The following APPL2 variants were observed in gnomAD, a reference collection of about 807,000 sequenced individuals.
APPL2 encodes adaptor protein, phosphotyrosine interacting with PH domain and leucine zipper 2.
APPL2 carries 84 observed loss-of-function variants against 92.7 expected under a neutral mutation model. That is an observed-to-expected ratio of 0.91 (90% CI 0.76 to 1.09). The LOEUF (loss-of-function observed/expected upper bound fraction) is 1.09. APPL2 is among the 50% of genes least tolerant of loss of function. The pLI is 0.00. For missense variants in APPL2, 736 were observed against 824.5 expected, an observed-to-expected ratio of 0.89 and a Z score of 1.31; for synonymous variants, 291 against 291.0, an observed-to-expected ratio of 1.00 and a Z score of 0.00.
intron 17 of APPL2, among the ~76,000 whole-genome samples, chr12:105,186,656 C>CAT (rs1211243439): frequency 6.3e-5 from 3 of 47,676 alleles, no homozygotes; most frequent in Non-Finnish European, 8.0e-5. Flanking sequence ...ATATCGATAT[C>CAT]ATATATATCA....
At chr12:105,201,812 G>A (rs1888233816) in intron 9 of APPL2, among the ~76,000 whole-genome samples, 1 of 152,164 alleles carries the variant, frequency 6.6e-6, no homozygotes, top group South Asian at 2.1e-4. Flanking sequence ...TAGGGTTAGG[G>A]AATAAAGAAA....
intron 1 of APPL2, among the ~76,000 whole-genome samples, chr12:105,235,729 G>A (rs1297528316): frequency 6.6e-6 from 1 of 152,156 alleles, no homozygotes; most frequent in Non-Finnish European, 1.5e-5. Context: ...ACGACATCAA[G>A]ACTCCGGCCG....
chr12:105,230,432 G>A (rs1374424961), intron 1 of APPL2, among the ~76,000 whole-genome samples: 3 of 152,178 alleles, frequency 2.0e-5, no homozygotes, highest in Non-Finnish European at 2.9e-5. Flanking sequence ...GGAATTTAAA[G>A]TACTATGTTA....
intron 8 of APPL2, among the ~76,000 whole-genome samples, chr12:105,206,609 C>A (rs1222048565): frequency 1.3e-5 from 2 of 152,172 alleles, no homozygotes; most frequent in African/African-American, 4.8e-5. Flanking sequence ...TTTCCCCATG[C>A]CCAGATGTTA....
rs1213646568 is a variant in APPL2 at position 105,173,473 on chromosome 12, A to T, written c.*841T>A. On this transcript the variant is annotated 3_prime_UTR_variant, in exon 21 of 21. Transcript: ENST00000258530. ...CAGGAATTGGAAGTATCAGGGTGGA[A>T]ATAGGAACTTTATACCAAGCCCCAT... 6.6e-6 allele frequency: 1 copy of T among 152,624 alleles called. No individual in the cohort carries two copies. The highest frequency in any genetic ancestry group is 1.5e-5 in the Non-Finnish European group (1 of 68,040). The allele number at this position is 152,624 out of a possible 1,614,324, so 9.5% of individuals were successfully genotyped here.
At chr12:105,194,771 G>T (rs1181256987) in intron 14 of APPL2, among the ~76,000 whole-genome samples, 2 of 135,402 alleles carry the variant, frequency 1.5e-5, no homozygotes, top group East Asian at 4.2e-4. Flanking sequence ...TCTGAAAAAT[G>T]TAGAAATAGT....
intron 1 of APPL2, among the ~76,000 whole-genome samples, chr12:105,231,946 T>C (rs980479714): frequency 3.9e-5 from 6 of 152,184 alleles, no homozygotes. Flanking sequence ...AAAGAAGGAA[T>C]GAGACCAAGA....
chr12:105,212,459 G>T (rs183259340), intron 4 of APPL2, among the ~76,000 whole-genome samples: 12 of 152,310 alleles, frequency 7.9e-5, no homozygotes, highest in Admixed American at 3.3e-4. Context: ...CATGCAAATA[G>T]CTCTCCAAAT....
rs763125021 is a variant in APPL2 at position 105,195,441 on chromosome 12, T to G, written c.1152+4A>C. On this transcript the variant is annotated splice_donor_region_variant and intron_variant, in intron 13 of 20. Coordinates refer to ENST00000258530, the MANE Select transcript of APPL2 (RefSeq NM_018171.5). Reference sequence around the variant, plus strand: ...GGGCTGAGATGCCGGTGGCTGATAATTACCTCAGGGTTGTCGGTCAGGTAG... The same window carrying G: ...GGGCTGAGATGCCGGTGGCTGATAAGTACCTCAGGGTTGTCGGTCAGGTAG... 1 of 1,614,160 alleles carries G rather than the reference T, an allele frequency of 6.2e-7. No homozygotes were observed. Among genetic ancestry groups the G allele is most frequent in the Admixed American group, 1.7e-5 (1 of 60,012 alleles).
At chr12:105,228,832 T>A (rs1890711745) in intron 2 of APPL2, among the ~76,000 whole-genome samples, 1 of 151,814 alleles carries the variant, frequency 6.6e-6, no homozygotes, top group Non-Finnish European at 1.5e-5. Context: ...TATTCACAAG[T>A]AGGAAGAGGA....
intron 2 of APPL2, among the ~76,000 whole-genome samples, chr12:105,221,491 G>A (rs1488798013): frequency 6.6e-6 from 1 of 152,226 alleles, no homozygotes; most frequent in Non-Finnish European, 1.5e-5. Flanking sequence ...AAAAGCTCAT[G>A]TTCTGACTAT....
chr12:105,182,045 A>T (rs1299803979), intron 17 of APPL2, among the ~76,000 whole-genome samples: 1 of 151,710 alleles, frequency 6.6e-6, no homozygotes, highest in Non-Finnish European at 1.5e-5. Flanking sequence ...TTTTTTTGAG[A>T]TGGAGTTTTG....
chr12:105,186,640 T>TATATGATAG (rs1886670213), intron 17 of APPL2, among the ~76,000 whole-genome samples: 1 of 126,256 alleles, frequency 7.9e-6, no homozygotes, highest in Non-Finnish European at 1.6e-5. Flanking sequence ...ATATATCATA[T>TATATGATAG]ATATGATATC....
At chr12:105,183,078 T>G (rs1886267039) in intron 17 of APPL2, among the ~76,000 whole-genome samples, 1 of 146,254 alleles carries the variant, frequency 6.8e-6, no homozygotes, top group African/African-American at 2.5e-5. Flanking sequence ...TGCTTTTTTT[T>G]TTTTTTTTTT....
At chr12:105,207,601 G>C (rs1888842664) in intron 7 of APPL2, among the ~76,000 whole-genome samples, 1 of 152,220 alleles carries the variant, frequency 6.6e-6, no homozygotes, top group Non-Finnish European at 1.5e-5. Flanking sequence ...CATGAAAATA[G>C]TCAATATTAT....
Position 105,186,972 on chromosome 12 carries a change from T to C in APPL2, c.1634+1301A>G, listed in dbSNP as rs1219340519. Among the ~76,000 whole-genome samples the C allele has an allele frequency of 2.0e-5, 3 of 152,084 alleles. No individual in the cohort carries two copies. The East Asian group carries it at 5.8e-4, about 29-fold the overall frequency. ...GTTTTATAAGAGTTCTTTGTATATT[T>C]TGTGTACTACATCCATATTAGATAG... On this transcript the variant is annotated intron_variant, in intron 17 of 20. Coordinates refer to ENST00000258530, the MANE Select transcript of APPL2 (RefSeq NM_018171.5).
intron 2 of APPL2, among the ~76,000 whole-genome samples, chr12:105,223,380 C>T (rs1417405152): frequency 6.6e-6 from 1 of 152,158 alleles, no homozygotes; most frequent in Non-Finnish European, 1.5e-5. Context: ...GGAGTGAACA[C>T]AGACTCGCCA....
At chr12:105,198,911 G>A (rs1032432790) in intron 10 of APPL2, among the ~76,000 whole-genome samples, 3 of 152,124 alleles carry the variant, frequency 2.0e-5, no homozygotes, top group Admixed American at 2.0e-4. Flanking sequence ...CATTCAAAAC[G>A]GACACTTAAA....
At chr12:105,179,489 G>T (rs1885898312) in intron 17 of APPL2, among the ~76,000 whole-genome samples, 2 of 152,320 alleles carry the variant, frequency 1.3e-5, no homozygotes, top group South Asian at 4.1e-4. Flanking sequence ...AGTCCTTTGG[G>T]TATGTACCCA....
Sources: allele counts gnomAD v4.1 joint callset (sites outside exome capture counted in the v4.1 genomes callset), GRCh38; gene constraint gnomAD v4.1.1; transcripts MANE v1.5; gene names NCBI Gene and HGNC (gene_info 2026-07-23, HGNC 2026-07-21).